The following EML5 variants were observed in gnomAD, a reference collection of about 807,000 sequenced individuals.
The protein encoded by EML5 is EMAP like 5.
A neutral mutation model predicts 250.0 loss-of-function variants in EML5; 120 were observed. That is an observed-to-expected ratio of 0.48 (90% confidence interval 0.41 to 0.56). EML5 has a LOEUF of 0.56. Among genes scored for constraint, EML5 ranks in the 20% least tolerant of loss-of-function variants. The probability of loss-of-function intolerance (pLI) is 0.00; values close to 1 mark genes in which losing one functional copy is unlikely to be tolerated. For synonymous variants in EML5, 771 were observed against 806.5 expected, an observed-to-expected ratio of 0.96 and a Z score of 0.75; for missense variants, 2,006 against 2,437.6, an observed-to-expected ratio of 0.82 and a Z score of 3.73.
At chr14:88,657,332 T>A in intron 27 of EML5, 44 bp downstream of exon 27, 1 of 1,511,894 alleles carries the variant, frequency 6.6e-7, no homozygotes, top group Non-Finnish European at 8.9e-7. Context: ...CCATTTTTAA[T>A]GACAATATCT....
At chr14:88,707,668 T>A (rs1364687864) in intron 10 of EML5, among the ~76,000 whole-genome samples, 1 of 152,192 alleles carries the variant, frequency 6.6e-6, no homozygotes, top group Non-Finnish European at 1.5e-5. Flanking sequence ...CATTAATGCA[T>A]GAGATAGAAT....
intron 33 of EML5, among the ~76,000 whole-genome samples, chr14:88,629,617 A>G (rs1567033332): frequency 1.3e-5 from 2 of 152,084 alleles, no homozygotes; most frequent in Admixed American, 6.6e-5. Flanking sequence ...TTCTTCCTCC[A>G]CCTGTTCCAG....
intron 13 of EML5, among the ~76,000 whole-genome samples, chr14:88,703,764 C>T (rs1413492327): frequency 3.3e-5 from 5 of 151,868 alleles, no homozygotes; most frequent in Admixed American, 2.0e-4. Context: ...ATCCAGAACC[C>T]GTATTTTGGT....
intron 1 of EML5, among the ~76,000 whole-genome samples, chr14:88,783,122 G>A (rs576556390): frequency 1.3e-5 from 2 of 152,252 alleles, no homozygotes; most frequent in South Asian, 2.1e-4. Context: ...AAAAGAAAAT[G>A]CCTGGACGTC....
At chr14:88,726,876 G>C (rs8021906) in intron 7 of EML5, among the ~76,000 whole-genome samples, 198 bp from the exon 8 acceptor site, 16,898 of 152,098 alleles carry the variant, frequency 0.11, 1,040 homozygotes, top group African/African-American at 0.14. Flanking sequence ...CTTTTGCTTT[G>C]AATTTTTTTG....
At chr14:88,632,763 T>C (rs1470958846) in intron 33 of EML5, among the ~76,000 whole-genome samples, 1 of 152,220 alleles carries the variant, frequency 6.6e-6, no homozygotes, top group African/African-American at 2.4e-5. Context: ...ACTTGCTTTC[T>C]TCAGGGCGTT....
At chr14:88,699,584 AATGG>A (rs2093161601) in intron 14 of EML5, among the ~76,000 whole-genome samples, 1 of 152,182 alleles carries the variant, frequency 6.6e-6, no homozygotes, top group Admixed American at 6.5e-5. Flanking sequence ...GAATGGGAAA[AATGG>A]ATAGAGGAAA....
chr14:88,623,961 C>T (rs2089507422), intron 36 of EML5: 1 of 152,224 alleles, frequency 6.6e-6, no homozygotes, highest in Non-Finnish European at 1.5e-5. Context: ...TATGTGCATT[C>T]TTCCTTTATG....
chr14:88,730,030 C>T (rs2093730885), intron 7 of EML5, among the ~76,000 whole-genome samples: 1 of 152,062 alleles, frequency 6.6e-6, no homozygotes, highest in African/African-American at 2.4e-5. Flanking sequence ...ACAGTTACAA[C>T]TTGACAGAAT....
chr14:88,622,429 C>A, intron 37 of EML5, 175 bp downstream of exon 37: 2 of 471,850 alleles, frequency 4.2e-6, no homozygotes, highest in Middle Eastern at 3.7e-4. Flanking sequence ...AGCTTATGCA[C>A]CACACTGGTG....
At chr14:88,690,643 T>C (rs140395726) in intron 17 of EML5, among the ~76,000 whole-genome samples, 2 of 152,256 alleles carry the variant, frequency 1.3e-5, no homozygotes, top group Admixed American at 6.5e-5. Flanking sequence ...AGATGACAAA[T>C]TGATCAGCAA....
intron 1 of EML5, among the ~76,000 whole-genome samples, chr14:88,786,480 T>A (rs2094552493): frequency 6.6e-6 from 1 of 152,206 alleles, no homozygotes; most frequent in Admixed American, 6.5e-5. Flanking sequence ...AAAGAACAAG[T>A]AAACCAAGAA....
At chr14:88,780,306 A>G (rs1159034837) in intron 1 of EML5, among the ~76,000 whole-genome samples, 1 of 152,124 alleles carries the variant, frequency 6.6e-6, no homozygotes, top group East Asian at 1.9e-4. Context: ...GTTCTAGGCT[A>G]TTTTTTGGAG....
At chr14:88,681,763 GAC>G in intron 21 of EML5, 125 bp downstream of exon 21, 1 of 1,088,048 alleles carries the variant, frequency 9.2e-7, no homozygotes, top group Non-Finnish European at 1.2e-6. Flanking sequence ...TGAGCAAGTA[GAC>G]ATTGAATAAA....
In EML5 at chr14:88,627,821, T is replaced by C; in HGVS notation, c.4358-2A>G. On this transcript the variant is annotated splice_acceptor_variant, in intron 33 of 43. Coordinates refer to ENST00000554922, the MANE Select transcript of EML5 (RefSeq NM_183387.3). LOFTEE classifies it high-confidence loss of function. ...AGATGTGAATAGAAGGAGCTGTAGCTAAATAAAGATAGTATCAAAAAGTTG... is the reference window on the plus strand; with the variant it reads ...AGATGTGAATAGAAGGAGCTGTAGCCAAATAAAGATAGTATCAAAAAGTTG... The C allele has an allele frequency of 6.4e-7, 1 of 1,574,626 alleles. No homozygotes were observed. The highest frequency in any genetic ancestry group is 8.6e-7 in the Non-Finnish European group (1 of 1,162,358).
At chr14:88,743,492 T>C (rs1054240453) in intron 4 of EML5, among the ~76,000 whole-genome samples, 10 of 152,102 alleles carry the variant, frequency 6.6e-5, no homozygotes, top group Non-Finnish European at 1.3e-4. Context: ...TGTTAGGCAC[T>C]ATGACAAGCA....
intron 4 of EML5, among the ~76,000 whole-genome samples, chr14:88,743,398 C>T (rs1172980156): frequency 6.7e-6 from 1 of 148,252 alleles, no homozygotes; most frequent in East Asian, 2.0e-4. Context: ...CATTATTTGT[C>T]AAAAAAAAAA....
At chr14:88,683,495 T>C (rs2092760236) in intron 20 of EML5, among the ~76,000 whole-genome samples, 1 of 152,094 alleles carries the variant, frequency 6.6e-6, no homozygotes, top group African/African-American at 2.4e-5. Context: ...TATACAGCCA[T>C]TATTACCCTG....
rs1233474546 is a variant in EML5, at chr14:88,740,447, ATT to A, written c.649_650del (p.Asn217TrpfsTer25). 1 of 1,613,840 alleles carries A rather than the reference ATT, an allele frequency of 6.2e-7. No individual in the cohort carries two copies. The highest frequency in any genetic ancestry group is 8.5e-7 in the Non-Finnish European group (1 of 1,179,828). ...TTCCTTTCCAAACATATATATCCCC[ATT>A]GAGTGCACCAGAATATGTTAATTCA... is the stretch of plus-strand genomic sequence containing the variant. ...RDELTYSGAL[N>X]GDIYVWKGIN... On this transcript the variant is annotated frameshift_variant, in exon 5 of 44. Transcript: ENST00000554922. LOFTEE classifies it high-confidence loss of function.
Sources: gnomAD v4.1 joint callset for allele counts (sites outside exome capture counted in the v4.1 genomes callset) on GRCh38, gnomAD v4.1.1 for gene constraint, MANE v1.5 for transcripts, NCBI Gene and HGNC (gene_info 2026-07-23, HGNC 2026-07-21) for gene names.